The following PRKG1 variants were observed in gnomAD, a reference collection of about 807,000 sequenced individuals.
PRKG1 encodes protein kinase cGMP-dependent 1, also known as cGMP-dependent protein kinase 1.
A neutral mutation model predicts 88.1 loss-of-function variants in PRKG1; 35 were observed. That is an observed-to-expected ratio of 0.40 (90% confidence interval 0.30 to 0.53). PRKG1 has a LOEUF of 0.53. Ranked by LOEUF, PRKG1 falls within the 20% of genes least tolerant of loss-of-function variation. The pLI is 0.59. For missense variants in PRKG1, 540 were observed against 839.8 expected (o/e 0.64, Z 4.41); for synonymous variants, 303 against 292.5 (o/e 1.04, Z -0.37).
intron 8 of PRKG1, among the ~76,000 whole-genome samples, chr10:52,136,602 G>A (rs1422964801): frequency 6.6e-6 from 1 of 151,992 alleles, no homozygotes; most frequent in Non-Finnish European, 1.5e-5. Flanking sequence ...AAGAATATGG[G>A]TAAATTACTT....
intron 1 of PRKG1, among the ~76,000 whole-genome samples, chr10:50,998,755 AAACAAAAT>A (rs1033867803): frequency 1.3e-4 from 13 of 103,882 alleles, no homozygotes; most frequent in Admixed American, 7.5e-4. Context: ...CCATCTCAAA[AAACAAAAT>A]AACAACAACA....
At chr10:51,876,000 C>A (rs925946117) in intron 4 of PRKG1, among the ~76,000 whole-genome samples, 1 of 151,342 alleles carries the variant, frequency 6.6e-6, no homozygotes, top group African/African-American at 2.4e-5. Context: ...GACACAGCAC[C>A]CTTTACCTTT....
chr10:51,862,450 G>T (rs1036680144), intron 4 of PRKG1, among the ~76,000 whole-genome samples: 1 of 152,102 alleles, frequency 6.6e-6, no homozygotes, highest in African/African-American at 2.4e-5. Flanking sequence ...GAAGAATTTT[G>T]TTGAGCAACA....
intron 5 of PRKG1, among the ~76,000 whole-genome samples, chr10:51,953,341 C>T (rs1180951165): frequency 5.3e-5 from 8 of 151,912 alleles, no homozygotes; most frequent in African/African-American, 1.7e-4. Flanking sequence ...GTGACATGTG[C>T]AGGCTTTTAA....
In PRKG1 at chr10:51,803,717, T is replaced by A. The variant is rs149084325; in HGVS notation, c.593-868T>A. Reference sequence around the variant, plus strand: ...TTCCCCATGACTATGATATTTGAATTGTTTTTTTTTAGTTCATTTGCTAGC... The same window carrying A: ...TTCCCCATGACTATGATATTTGAATAGTTTTTTTTTAGTTCATTTGCTAGC... On this transcript the variant is annotated intron_variant, in intron 3 of 17. Transcript: ENST00000373980. Among the ~76,000 whole-genome samples, 1,373 of 151,956 alleles carry A rather than the reference T, an allele frequency of 9.0e-3. 9 individuals carry two copies. The highest frequency in any genetic ancestry group is 0.014 in the Non-Finnish European group (927 of 68,012).
intron 5 of PRKG1, among the ~76,000 whole-genome samples, chr10:52,050,052 T>C (rs950460108): frequency 7.0e-6 from 1 of 141,878 alleles, no homozygotes; most frequent in South Asian, 2.3e-4. Context: ...AGAGAGAGAG[T>C]GTGTTCATGT....
chr10:52,271,274 C>A, intron 10 of PRKG1, 76 bp from the exon 11 acceptor site: 1 of 1,473,588 alleles, frequency 6.8e-7, no homozygotes, highest in South Asian at 1.2e-5. Context: ...GCGCCATGTA[C>A]CTGTTAATTT....
chr10:51,933,391 T>C, intron 5 of PRKG1, among the ~76,000 whole-genome samples: 1 of 152,190 alleles, frequency 6.6e-6, no homozygotes, highest in East Asian at 1.9e-4. Flanking sequence ...GGTCCCATTA[T>C]TCAATTTAAA....
intron 5 of PRKG1, among the ~76,000 whole-genome samples, chr10:51,959,384 A>C (rs1203202660): frequency 6.6e-6 from 1 of 152,142 alleles, no homozygotes; most frequent in Admixed American, 6.6e-5. Context: ...CCTATCAAAG[A>C]GTGTCATGTG....
chr10:51,392,447 G>A (rs1358873184), intron 2 of PRKG1, among the ~76,000 whole-genome samples: 3 of 152,086 alleles, frequency 2.0e-5, no homozygotes, highest in African/African-American at 4.8e-5. Context: ...CCGGGTTGGG[G>A]GTAAGGTCAC....
At chr10:51,460,493 T>C (rs1360689352) in intron 2 of PRKG1, among the ~76,000 whole-genome samples, 1 of 152,178 alleles carries the variant, frequency 6.6e-6, no homozygotes, top group South Asian at 2.1e-4. Flanking sequence ...TGTTCAGCTC[T>C]CGTTTATTTA....
intron 3 of PRKG1, among the ~76,000 whole-genome samples, chr10:51,629,026 G>A (rs909696801): frequency 1.3e-5 from 2 of 151,870 alleles, no homozygotes; most frequent in African/African-American, 4.8e-5. Context: ...GTGAGCCACA[G>A]AATCAATTTA....
At chr10:52,177,543 A>C (rs542197550) in intron 9 of PRKG1, among the ~76,000 whole-genome samples, 2 of 152,118 alleles carry the variant, frequency 1.3e-5, no homozygotes, top group Non-Finnish European at 2.9e-5. Context: ...AGTTCTCTCC[A>C]CTTCCATTTT....
chr10:51,427,450 G>T (rs1205571756), intron 2 of PRKG1, among the ~76,000 whole-genome samples: 1 of 152,162 alleles, frequency 6.6e-6, no homozygotes, highest in South Asian at 2.1e-4. Flanking sequence ...CAAAAGGCAT[G>T]TGTGCTGGGT....
intron 9 of PRKG1, among the ~76,000 whole-genome samples, chr10:52,189,474 A>G (rs1322340422): frequency 1.3e-5 from 2 of 152,154 alleles, no homozygotes; most frequent in Admixed American, 1.3e-4. Flanking sequence ...TTACTACCTG[A>G]GCTCTGCCCC....
intron 7 of PRKG1, among the ~76,000 whole-genome samples, chr10:52,103,709 T>G (rs992135669): frequency 6.6e-6 from 1 of 152,038 alleles, no homozygotes; most frequent in African/African-American, 2.4e-5. Context: ...CTCCAACCCC[T>G]GTGTTGTTCA....
intron 5 of PRKG1, among the ~76,000 whole-genome samples, chr10:52,005,619 C>T (rs1031609843): frequency 6.6e-6 from 1 of 152,146 alleles, no homozygotes; most frequent in African/African-American, 2.4e-5. Flanking sequence ...TTCCACCCAC[C>T]CCTGCCATTG....
intron 3 of PRKG1, among the ~76,000 whole-genome samples, chr10:51,627,920 C>CTT (rs1444092177): frequency 4.1e-4 from 31 of 74,976 alleles, no homozygotes; most frequent in Admixed American, 1.1e-3. Flanking sequence ...TCCCTTCCTT[C>CTT]CCTTCCTTTC....
intron 7 of PRKG1, among the ~76,000 whole-genome samples, chr10:52,063,648 A>G (rs1034758469): frequency 2.0e-5 from 3 of 152,216 alleles, no homozygotes; most frequent in Non-Finnish European, 4.4e-5. Context: ...GAGGAGCTTT[A>G]TTGAACACTA....
Sources: allele counts gnomAD v4.1 joint callset (sites outside exome capture counted in the v4.1 genomes callset), GRCh38; gene constraint gnomAD v4.1.1; transcripts MANE v1.5; gene names NCBI Gene and HGNC (gene_info 2026-07-23, HGNC 2026-07-21).